MRFAP1: variants seen among roughly 807,000 people sequenced by gnomAD.
The protein encoded by MRFAP1 is Morf4 family associated protein 1, also known as MORF4 family-associated protein 1.
In MRFAP1, 1 loss-of-function variant was observed where a neutral mutation model predicts 9.3. That is an observed-to-expected ratio of 0.11 (90% CI 0.04 to 0.51). The LOEUF (loss-of-function observed/expected upper bound fraction) is 0.51. Ranked by LOEUF, MRFAP1 falls within the 20% of genes least tolerant of loss-of-function variation. MRFAP1 has a pLI of 0.94. For missense variants in MRFAP1, 180 were observed against 178.6 expected (o/e 1.01, Z -0.04); for synonymous variants, 101 against 80.3 (o/e 1.26, Z -1.38).
intron 1 of MRFAP1, 80 bp downstream of exon 1, chr4:6,641,338 A>C: frequency 2.7e-6 from 4 of 1,492,228 alleles, no homozygotes; most frequent in Non-Finnish European, 3.6e-6. Flanking sequence ...ATCGAGATGC[A>C]CCGGAATCGG....
Position 6,640,883 on chromosome 4 carries a change from C to T in MRFAP1, c.21C>T (p.Val7=). MRPLDI[V]ELAEPEEVEV... ...AAGAGATGCGGCCCCTGGACATCGT[C>T]GAGCTGGCGGAACCGGAGGAAGTGG... Residue 7 remains valine, a synonymous_variant, in exon 1 of 2, where the codon GTC becomes GTT. Coordinates refer to ENST00000382581, the MANE Select transcript of MRFAP1 (RefSeq NM_033296.3). The T allele has an allele frequency of 6.2e-7, 1 of 1,610,210 alleles. No homozygotes were observed. Among genetic ancestry groups the T allele is most frequent in the Non-Finnish European group, 8.5e-7 (1 of 1,176,976 alleles).
Position 6,640,960 on chromosome 4 carries a change from A to G in MRFAP1, c.98A>G (p.Asn33Ser), listed in dbSNP as rs1203323255. 3.1e-6 allele frequency: 5 copies of G among 1,614,178 alleles called. No homozygotes were observed. The highest frequency in any genetic ancestry group is 1.7e-5 in the Admixed American group (1 of 60,032). Reference protein sequence around the residue: ...DFEQFLLPVINEMREDIASLT... With the variant: ...DFEQFLLPVISEMREDIASLT... ...GAGCAGTTTCTGCTCCCGGTCATCA[A>G]CGAGATGCGCGAGGACATCGCGTCG... The change falls in exon 1 of 2, where the codon AAC becomes AGC. Residue 33 changes from asparagine to serine, a missense_variant. Transcript: ENST00000382581.
rs1471068213 is a variant in MRFAP1 at position 6,641,226 on chromosome 4, G to C, written c.364G>C (p.Glu122Gln). 6.3e-6 allele frequency: 10 copies of C among 1,584,758 alleles called. No homozygotes were observed. The highest frequency in any genetic ancestry group is 7.8e-6 in the Non-Finnish European group (9 of 1,160,668). The change falls in exon 1 of 2, where the codon GAG (glutamate) becomes CAG (glutamine). Residue 122 changes from glutamate to glutamine, a missense_variant. Coordinates refer to ENST00000382581, the MANE Select transcript of MRFAP1 (RefSeq NM_033296.3). The stretch of plus-strand genomic sequence containing the variant: ...GCTGGTGGAGCTGGTCCGGCGGATA[G>C]AGAAGAGCGAGTCGTCGTGAGCGCG... Reference protein sequence around the residue: ...EMLVELVRRIEKSESS With the variant: ...EMLVELVRRIQKSESS
At chr4:6,641,361 A>T (rs1208617028) in intron 1 of MRFAP1, 103 bp downstream of exon 1, 8 of 1,422,752 alleles carry the variant, frequency 5.6e-6, no homozygotes, top group African/African-American at 1.4e-5. Context: ...GTGGGGCGGG[A>T]GAATAAAGGC....
At position 6,641,162 on chromosome 4, in the gene MRFAP1, C is replaced by G. The variant is rs769085929; in HGVS notation, c.300C>G (p.Ala100=). ...EGRAAKRCEK[A]EEKAKEIAKM... ...GGGCGGCCAAGAGGTGCGAGAAGGCCGAGGAGAAGGCCAAGGAGATTGCGA... is the reference window on the plus strand; with the variant it reads ...GGGCGGCCAAGAGGTGCGAGAAGGCGGAGGAGAAGGCCAAGGAGATTGCGA... The change falls in exon 1 of 2, where the codon GCC becomes GCG. Residue 100 remains alanine (A), a synonymous_variant. Transcript: ENST00000382581. 2 of 1,613,996 alleles carry G rather than the reference C, an allele frequency of 1.2e-6. No individual in the cohort carries two copies. The highest frequency in any genetic ancestry group is 1.7e-6 in the Non-Finnish European group (2 of 1,179,968).
At chr4:6,641,306 G>C (rs903962227) in intron 1 of MRFAP1, 48 bp downstream of exon 1, 9 of 1,519,354 alleles carry the variant, frequency 5.9e-6, no homozygotes, top group African/African-American at 5.6e-5. Context: ...CAGCTTGGCC[G>C]CTCTTCGAGA....
chr4:6,640,905 G>C lies in MRFAP1; in HGVS notation c.43G>C (p.Val15Leu). The C allele has an allele frequency of 6.2e-7, 1 of 1,613,004 alleles. No homozygotes were observed. The highest frequency in any genetic ancestry group is 8.5e-7 in the Non-Finnish European group (1 of 1,179,028). The change falls in exon 1 of 2, where the codon GTG (valine) becomes CTG (leucine). Residue 15 changes from valine (V) to leucine (L), a missense_variant. Physicochemically the swap from Val to Leu is conservative, Grantham distance 32. Coordinates refer to ENST00000382581, the MANE Select transcript of MRFAP1 (RefSeq NM_033296.3). ...CGTCGAGCTGGCGGAACCGGAGGAAGTGGAGGTGCTGGAGCCCGAGGAGGA... is the reference window on the plus strand; with the variant it reads ...CGTCGAGCTGGCGGAACCGGAGGAACTGGAGGTGCTGGAGCCCGAGGAGGA... ...DIVELAEPEEVEVLEPEEDFE... is the reference protein window; with the variant it reads ...DIVELAEPEELEVLEPEEDFE...
chr4:6,641,007 G>A lies in MRFAP1; in HGVS notation c.145G>A (p.Ala49Thr). Residue 49 changes from alanine to threonine, a missense_variant, in exon 1 of 2, where the codon GCG (alanine) becomes ACG (threonine). Ala to Thr is a moderately conservative substitution (Grantham distance 58). Coordinates refer to ENST00000382581, the MANE Select transcript of MRFAP1 (RefSeq NM_033296.3). ...IASLTREHGR[A>T]YLRNRSKLWE... ...GTCGCTGACGCGCGAGCACGGGCGG[G>A]CGTACCTGCGGAACCGGAGCAAGCT... 6.2e-7 allele frequency: 1 copy of A among 1,614,152 alleles called. No homozygotes were observed. Among genetic ancestry groups the A allele is most frequent in the South Asian group, 1.1e-5 (1 of 91,080 alleles).
Position 6,641,185 on chromosome 4 carries a change from C to A in MRFAP1, c.323C>A (p.Ala108Glu). 6.2e-7 allele frequency: 1 copy of A among 1,612,196 alleles called. No homozygotes were observed. The highest frequency in any genetic ancestry group is 8.5e-7 in the Non-Finnish European group (1 of 1,178,826). ...GCCGAGGAGAAGGCCAAGGAGATTG[C>A]GAAGATGGCAGAGATGCTGGTGGAG... ...EKAEEKAKEI[A>E]KMAEMLVELV... is the part of the protein sequence containing the mutation. Residue 108 changes from alanine (A) to glutamate (E), a missense_variant, in exon 1 of 2, where the codon GCG (alanine) becomes GAG (glutamate). Ala to Glu is a moderately radical substitution (Grantham distance 107). Coordinates refer to ENST00000382581, the MANE Select transcript of MRFAP1 (RefSeq NM_033296.3).
At chr4:6,641,558 A>G (rs1712831990) in intron 1 of MRFAP1, 172 bp from the exon 2 acceptor site, 1 of 324,366 alleles carries the variant, frequency 3.1e-6, no homozygotes, top group Non-Finnish European at 5.7e-6. Context: ...GGGGGTGGAA[A>G]TAGAGGATTT....
Position 6,640,984 on chromosome 4 carries a change from C to T in MRFAP1, c.122C>T (p.Ser41Leu). The T allele has an allele frequency of 6.2e-7, 1 of 1,614,084 alleles. No individual in the cohort carries two copies. The highest frequency in any genetic ancestry group is 1.1e-5 in the South Asian group (1 of 91,076). ...AACGAGATGCGCGAGGACATCGCGT[C>T]GCTGACGCGCGAGCACGGGCGGGCG... ...VINEMREDIA[S>L]LTREHGRAYL... is the part of the protein sequence containing the mutation. Residue 41 changes from serine to leucine, a missense_variant, in exon 1 of 2, where the codon TCG (serine) becomes TTG (leucine). By Grantham distance (145) the Ser-to-Leu change is moderately radical. Transcript: ENST00000382581.
intron 1 of MRFAP1, chr4:6,641,500 G>A (rs1386647340): frequency 6.4e-6 from 3 of 467,280 alleles, no homozygotes; most frequent in East Asian, 7.1e-5. Flanking sequence ...AAATCTCAGA[G>A]TCGCCAAGGA....
In MRFAP1 at chr4:6,641,150, G is replaced by A. The variant is rs377063696; in HGVS notation, c.288G>A (p.Arg96=). ...GDAAEGRAAK[R]CEKAEEKAKE... Reference sequence around the variant, plus strand: ...CGGCCGAGGGCCGGGCGGCCAAGAGGTGCGAGAAGGCCGAGGAGAAGGCCA... The same window carrying A: ...CGGCCGAGGGCCGGGCGGCCAAGAGATGCGAGAAGGCCGAGGAGAAGGCCA... The change falls in exon 1 of 2, where the codon AGG becomes AGA. Residue 96 remains arginine (R), a synonymous_variant. Transcript: ENST00000382581. 2 of 1,614,152 alleles carry A rather than the reference G, an allele frequency of 1.2e-6. No homozygotes were observed. Among genetic ancestry groups the A allele is most frequent in the Non-Finnish European group, 1.7e-6 (2 of 1,180,008 alleles).
At position 6,640,784 on chromosome 4, in the gene MRFAP1, T is replaced by C. The variant is rs1712783562; in HGVS notation, c.-79T>C. 1.3e-6 allele frequency: 2 copies of C among 1,498,948 alleles called. No individual in the cohort carries two copies. The highest frequency in any genetic ancestry group is 2.1e-5 in the Admixed American group (1 of 47,206). The allele number at this position is 1,498,948 out of a possible 1,614,324, so 92.9% of individuals were successfully genotyped here. ...AAAGTTTTCAGGAATATTCGGGCTC[T>C]CTATTGCTAAGCATAGCGAGTGTCG... On this transcript the variant is annotated 5_prime_UTR_variant, in exon 1 of 2. Coordinates refer to ENST00000382581, the MANE Select transcript of MRFAP1 (RefSeq NM_033296.3).
In MRFAP1 at chr4:6,641,445, G is replaced by C. The variant is rs1577307404; in HGVS notation, c.*12+187G>C. 20 of 704,500 alleles carry C rather than the reference G, an allele frequency of 2.8e-5. No homozygotes were observed. The East Asian group carries it at 5.5e-4, about 20-fold the overall frequency. 43.6% of individuals were successfully genotyped at this position (704,500 alleles called of 1,614,324 possible). A position where few individuals can be genotyped will look rare whatever the true frequency, so the allele number is the denominator to read the frequency against. Reference sequence around the variant, plus strand: ...TGACGGTGGCGGCGTGGGATAATCAGAGTGGCCGGGTTTGGGCGTGATGCG... The same window carrying C: ...TGACGGTGGCGGCGTGGGATAATCACAGTGGCCGGGTTTGGGCGTGATGCG... On this transcript the variant is annotated intron_variant, in intron 1 of 1. Transcript: ENST00000382581.
At chr4:6,641,686 G>C (rs1354526989) in intron 1 of MRFAP1, 44 bp from the exon 2 acceptor site, 1 of 160,448 alleles carries the variant, frequency 6.2e-6, no homozygotes, top group African/African-American at 2.4e-5. Context: ...CGTTGTGCCT[G>C]GGATTAACCT....
rs1460818649 is a variant in MRFAP1, at chr4:6,640,689, T to G, written c.-174T>G. 1.3e-6 allele frequency: 1 copy of G among 775,852 alleles called. No homozygotes were observed. The highest frequency in any genetic ancestry group is 2.0e-6 in the Non-Finnish European group (1 of 499,420). 48.1% of individuals were successfully genotyped at this position (775,852 alleles called of 1,614,324 possible). On this transcript the variant is annotated 5_prime_UTR_variant, in exon 1 of 2. Coordinates refer to ENST00000382581, the MANE Select transcript of MRFAP1 (RefSeq NM_033296.3). ...CTGGTTGACGGCCGGGACTCCATTT[T>G]GTTCGCCGTTACTCTGCGCGTAAGT... is the stretch of plus-strand genomic sequence containing the variant.
chr4:6,640,793 A>G lies in MRFAP1; in HGVS notation c.-70A>G, dbSNP rs949922416. The G allele has an allele frequency of 6.6e-7, 1 of 1,524,684 alleles. No homozygotes were observed. Among genetic ancestry groups the G allele is most frequent in the South Asian group, 1.2e-5 (1 of 80,608 alleles). The allele number at this position is 1,524,684 out of a possible 1,614,324, so 94.4% of individuals were successfully genotyped here. A position where few individuals can be genotyped will look rare whatever the true frequency, so the allele number is the denominator to read the frequency against. On this transcript the variant is annotated 5_prime_UTR_variant, in exon 1 of 2. Transcript: ENST00000382581. ...AGGAATATTCGGGCTCTCTATTGCT[A>G]AGCATAGCGAGTGTCGGTTTTCTCT...
At position 6,641,235 on chromosome 4, in the gene MRFAP1, G is replaced by A; in HGVS notation, c.373G>A (p.Glu125Lys). 2 of 1,573,304 alleles carry A rather than the reference G, an allele frequency of 1.3e-6. No homozygotes were observed. Among genetic ancestry groups the A allele is most frequent in the Non-Finnish European group, 1.7e-6 (2 of 1,154,628 alleles). The stretch of plus-strand genomic sequence containing the variant: ...GCTGGTCCGGCGGATAGAGAAGAGC[G>A]AGTCGTCGTGAGCGCGGTCGGCGGT... ...VELVRRIEKS[E>K]SS is the part of the protein sequence containing the mutation. Residue 125 changes from glutamate (E) to lysine (K), a missense_variant, in exon 1 of 2, where the codon GAG becomes AAG. By Grantham distance (56) the Glu-to-Lys change is moderately conservative. Transcript: ENST00000382581.
Sources: gnomAD v4.1 joint callset for allele counts on GRCh38, gnomAD v4.1.1 for gene constraint, MANE v1.5 for transcripts, NCBI Gene and HGNC (gene_info 2026-07-23, HGNC 2026-07-21) for gene names.